Variants in NBEAL2 observed in about 807,000 individuals in gnomAD.
NBEAL2 encodes the protein neurobeachin-like protein 2.
In NBEAL2, 160 loss-of-function variants were observed where a neutral mutation model predicts 299.8. The ratio of observed to expected loss-of-function variants is 0.53; its 90% CI spans 0.47 to 0.61. The LOEUF is 0.61. Among genes scored for constraint, NBEAL2 ranks in the 20% least tolerant of loss-of-function variants. The pLI is 0.00. For missense variants in NBEAL2, 3,112 were observed against 3,649.0 expected, an observed-to-expected ratio of 0.85 and a Z score of 3.79; for synonymous variants, 1,493 against 1,542.3, an observed-to-expected ratio of 0.97 and a Z score of 0.75.
In NBEAL2 at chr3:47,004,526, A is replaced by C; in HGVS notation, c.6230A>C (p.Glu2077Ala). 1 of 1,613,774 alleles carries C rather than the reference A, an allele frequency of 6.2e-7. No homozygotes were observed. The highest frequency in any genetic ancestry group is 8.5e-7 in the Non-Finnish European group (1 of 1,179,824). ...KWVQREISNF[E>A]YLMQLNTIAG... is the part of the protein sequence containing the mutation. ...GTACAGCGTGAGATATCCAACTTCG[A>C]GTACTTGATGCAACTCAACACCATT... Residue 2077 changes from glutamate to alanine, a missense_variant, in exon 38 of 54, where the codon GAG becomes GCG. Physicochemically the swap from Glu to Ala is moderately radical, Grantham distance 107 (BLOSUM62 -1). Transcript: ENST00000450053. The surrounding 1 kb of genome is among the most constrained non-coding windows in gnomAD (Gnocchi z 5.0).
rs1476582812 is a variant in NBEAL2 at position 46,988,206 on chromosome 3, G to A, written c.52-463G>A. The A allele has an allele frequency of 2.9e-6, 2 of 685,416 alleles. No individual in the cohort carries two copies. The highest frequency in any genetic ancestry group is 1.9e-4 in the East Asian group (2 of 10,708). The allele number at this position is 685,416 out of a possible 1,614,324, so 42.5% of individuals were successfully genotyped here. ...GGATCCACAGTTAAAGAAGGCTACT[G>A]AAGGTGGTGGCTGCTGGGCTGGGTG... On this transcript the variant is annotated intron_variant, in intron 1 of 53. Coordinates refer to ENST00000450053, the MANE Select transcript of NBEAL2 (RefSeq NM_015175.3). This position sits in a 1 kb window ranked among gnomAD's most constrained non-coding sequence, Gnocchi z 4.4.
Position 46,989,730 on chromosome 3 carries a change from G to A in NBEAL2, c.556+137G>A. 1.2e-6 allele frequency: 1 copy of A among 804,212 alleles called. No individual in the cohort carries two copies. Among genetic ancestry groups the A allele is most frequent in the Non-Finnish European group, 2.1e-6 (1 of 483,104 alleles). 49.8% of individuals were successfully genotyped at this position (804,212 alleles called of 1,614,324 possible). A position where few individuals can be genotyped will look rare whatever the true frequency, so the allele number is the denominator to read the frequency against. ...ACTGGGAGAACCAAAGACCAAGCAAGAGTTTAGGGACAGAGACAAGAGAAG... is the reference window on the plus strand; with the variant it reads ...ACTGGGAGAACCAAAGACCAAGCAAAAGTTTAGGGACAGAGACAAGAGAAG... On this transcript the variant is annotated intron_variant, in intron 6 of 53. Transcript: ENST00000450053. The surrounding 1 kb of genome is among the most constrained non-coding windows in gnomAD (Gnocchi z 5.5).
intron 10 of NBEAL2, among the ~76,000 whole-genome samples, chr3:46,993,070 C>G (rs986890936): frequency 1.3e-5 from 2 of 152,198 alleles, no homozygotes; most frequent in Non-Finnish European, 2.9e-5. Context: ...GGGGGCTCAA[C>G]CTGTGGGCCC....
chr3:47,007,767 G>C, intron 48 of NBEAL2, 49 bp from the exon 49 acceptor site: 1 of 1,608,730 alleles, frequency 6.2e-7, no homozygotes, highest in Non-Finnish European at 8.5e-7. Context: ...GGCTGGCCAG[G>C]GCGGATGTGA....
At chr3:46,990,582 G>A (rs535008771) in intron 6 of NBEAL2, among the ~76,000 whole-genome samples, 58 of 152,274 alleles carry the variant, frequency 3.8e-4, no homozygotes, top group African/African-American at 1.3e-3. Flanking sequence ...CCATCCAGCC[G>A]GAATCAAGCC....
chr3:47,008,673 GC>G lies in NBEAL2; in HGVS notation c.8027+11del. 1 of 1,613,072 alleles carries G rather than the reference GC, an allele frequency of 6.2e-7. No homozygotes were observed. Among genetic ancestry groups the G allele is most frequent in the Non-Finnish European group, 8.5e-7 (1 of 1,179,858 alleles). ...GCACATCCTCCAACTAAACACGTAA[GC>G]CCCCCATTTATGGGTTCATGGCCCC... On this transcript the variant is annotated splice_donor_region_variant and intron_variant, in intron 52 of 53. Transcript: ENST00000450053.
Position 47,004,484 on chromosome 3 carries a change from C to T in NBEAL2, c.6199-11C>T, listed in dbSNP as rs1466632293. The T allele has an allele frequency of 3.1e-6, 5 of 1,612,568 alleles. No individual in the cohort carries two copies. Among genetic ancestry groups the T allele is most frequent in the African/African-American group, 2.7e-5 (2 of 74,866 alleles). ...CCACCTGGCTCACATCTTGTCTGCC[C>T]CTGTCCCCAGAAATGGGTACAGCGT... On this transcript the variant is annotated splice_polypyrimidine_tract_variant and intron_variant, in intron 37 of 53. Transcript: ENST00000450053. The surrounding 1 kb of genome is among the most constrained non-coding windows in gnomAD (Gnocchi z 5.0).
chr3:47,005,979 T>G lies in NBEAL2; in HGVS notation c.6835T>G (p.Trp2279Gly). The change falls in exon 43 of 54, where the codon TGG (tryptophan) becomes GGG (glycine). Residue 2279 changes from tryptophan to glycine, a missense_variant. Physicochemically the swap from Trp to Gly is radical, Grantham distance 184. Coordinates refer to ENST00000450053, the MANE Select transcript of NBEAL2 (RefSeq NM_015175.3). ...SEYVSAHLHE[W>G]IDLIFGYKQR... ...GTATGTGTCTGCACACCTACACGAG[T>G]GGATCGACCTCATCTTTGGCTACAA... 6.2e-7 allele frequency: 1 copy of G among 1,613,568 alleles called. No homozygotes were observed. The highest frequency in any genetic ancestry group is 8.5e-7 in the Non-Finnish European group (1 of 1,179,844).
chr3:47,006,518 C>A, intron 45 of NBEAL2, 69 bp downstream of exon 45: 1 of 1,377,624 alleles, frequency 7.3e-7, no homozygotes, highest in Non-Finnish European at 1.0e-6. Context: ...CCTTACCAAC[C>A]ACGTGGGGCA....
Position 46,998,465 on chromosome 3 carries a change from C to T in NBEAL2, c.3121C>T (p.His1041Tyr). Residue 1041 changes from histidine to tyrosine, a missense_variant and splice_region_variant, in exon 22 of 54, where the codon CAC (histidine) becomes TAC (tyrosine). Coordinates refer to ENST00000450053, the MANE Select transcript of NBEAL2 (RefSeq NM_015175.3). ...TLSDFAVRLG[H>Y]IQYMSSIVRE... The stretch of plus-strand genomic sequence containing the variant: ...GCCCTCTGCTCATTCCCGCTCAGGT[C>T]ACATCCAGTACATGTCCAGCATAGT... The T allele has an allele frequency of 6.2e-7, 1 of 1,612,192 alleles. No homozygotes were observed.
Position 47,009,645 on chromosome 3 carries a change from T to G in NBEAL2, c.*325T>G. The G allele has an allele frequency of 2.7e-6, 1 of 369,980 alleles. No individual in the cohort carries two copies. Among genetic ancestry groups the G allele is most frequent in the Non-Finnish European group, 4.9e-6 (1 of 203,040 alleles). 22.9% of individuals were successfully genotyped at this position (369,980 alleles called of 1,614,324 possible). A position where few individuals can be genotyped will look rare whatever the true frequency, so the allele number is the denominator to read the frequency against. The stretch of plus-strand genomic sequence containing the variant: ...GCACGAGGGCCGCCTGTGGCCTTAA[T>G]TCCTAACGGCGGCCCCGGTTCTCCC... On this transcript the variant is annotated 3_prime_UTR_variant, in exon 54 of 54. Transcript: ENST00000450053.
In NBEAL2 at chr3:47,007,506, A is replaced by G. The variant is rs370058494; in HGVS notation, c.7335-19A>G. On this transcript the variant is annotated intron_variant, in intron 47 of 53. Coordinates refer to ENST00000450053, the MANE Select transcript of NBEAL2 (RefSeq NM_015175.3). ...TCCATGTGGCCTGGCCTCACTTGCT[A>G]TCCCCCTCACTGGGTCAGGACGCAG... 20 of 1,602,540 alleles carry G rather than the reference A, an allele frequency of 1.2e-5. No homozygotes were observed. Among genetic ancestry groups the G allele is most frequent in the Non-Finnish European group, 1.6e-5 (19 of 1,173,970 alleles).
chr3:46,991,267 T>G lies in NBEAL2; in HGVS notation c.605T>G (p.Leu202Arg), dbSNP rs1397926183. The G allele has an allele frequency of 6.2e-7, 1 of 1,607,824 alleles. No individual in the cohort carries two copies. Among genetic ancestry groups the G allele is most frequent in the Non-Finnish European group, 8.5e-7 (1 of 1,177,018 alleles). The change falls in exon 7 of 54, where the codon CTC (leucine) becomes CGC (arginine). Residue 202 changes from leucine to arginine, a missense_variant. Leu to Arg is a moderately radical substitution (Grantham distance 102, BLOSUM62 -2). Around this residue, in one of 3 missense-constraint regions of NBEAL2, gnomAD observed 2,243 missense variants for 2,538.1 expected, o/e 0.88. Coordinates refer to ENST00000450053, the MANE Select transcript of NBEAL2 (RefSeq NM_015175.3). The surrounding 1 kb of genome is among the most constrained non-coding windows in gnomAD (Gnocchi z 6.2). Reference sequence around the variant, plus strand: ...TTGCCTCCCATACTGCTGTTACGTCTCATCCACCTCTTCTGCGCCGTCCTC... The same window carrying G: ...TTGCCTCCCATACTGCTGTTACGTCGCATCCACCTCTTCTGCGCCGTCCTC... ...DHLPPILLLR[L>R]IHLFCAVLAG... is the part of the protein sequence containing the mutation.
chr3:46,998,395 C>T, intron 21 of NBEAL2, 68 bp from the exon 22 acceptor site: 1 of 1,541,528 alleles, frequency 6.5e-7, no homozygotes, highest in Non-Finnish European at 8.8e-7. Flanking sequence ...GCACATGGCC[C>T]TGGCCTGGAG....
chr3:46,994,417 T>A lies in NBEAL2; in HGVS notation c.1198-38T>A, dbSNP rs1489333030. 2.1e-5 allele frequency: 33 copies of A among 1,536,432 alleles called. No homozygotes were observed. The Admixed American group carries it at 5.3e-4, about 24-fold the overall frequency. Reference sequence around the variant, plus strand: ...GGGTCTGAGTTTGCCCTCCGGCCCATGTATGTGTTCACTTCTTCCCCATAC... The same window carrying A: ...GGGTCTGAGTTTGCCCTCCGGCCCAAGTATGTGTTCACTTCTTCCCCATAC... On this transcript the variant is annotated intron_variant, in intron 11 of 53. Coordinates refer to ENST00000450053, the MANE Select transcript of NBEAL2 (RefSeq NM_015175.3).
rs968326458 is a variant in NBEAL2, at chr3:46,987,882, G to A, written c.52-787G>A. The A allele has an allele frequency of 5.1e-5, 28 of 546,846 alleles. 1 individual carries two copies. Among genetic ancestry groups the A allele is most frequent in the Middle Eastern group, 9.3e-4 (1 of 1,074 alleles). 33.9% of individuals were successfully genotyped at this position (546,846 alleles called of 1,614,324 possible). A position where few individuals can be genotyped will look rare whatever the true frequency, so the allele number is the denominator to read the frequency against. ...CTCTCACTGGGGCCCAGGGTGCCCC[G>A]GCCCCCCCACATCCCTGCGGTCTGC... On this transcript the variant is annotated intron_variant, in intron 1 of 53. Coordinates refer to ENST00000450053, the MANE Select transcript of NBEAL2 (RefSeq NM_015175.3).
Position 46,996,609 on chromosome 3 carries a change from A to G in NBEAL2, c.2473+17A>G, listed in dbSNP as rs372682557. The stretch of plus-strand genomic sequence containing the variant: ...GCACCCTGGGTATGCAGCATTCTCC[A>G]TCTCTGCCACAGCCCCAGGCCAGAA... On this transcript the variant is annotated intron_variant, in intron 16 of 53. Transcript: ENST00000450053. 1.0e-4 allele frequency: 158 copies of G among 1,517,074 alleles called. No individual in the cohort carries two copies. Among genetic ancestry groups the G allele is most frequent in the Non-Finnish European group, 1.3e-4 (149 of 1,131,890 alleles). 94.0% of individuals were successfully genotyped at this position (1,517,074 alleles called of 1,614,324 possible).
chr3:47,009,515 T>A lies in NBEAL2; in HGVS notation c.*195T>A. ...GGCGGAAGTCCCGCCCCTCGCCGGC[T>A]GAGGGGCCGCCCTGAGGGCCAGCAC... On this transcript the variant is annotated 3_prime_UTR_variant, in exon 54 of 54. Transcript: ENST00000450053. 1.6e-6 allele frequency: 1 copy of A among 610,360 alleles called. No individual in the cohort carries two copies. The highest frequency in any genetic ancestry group is 2.8e-6 in the Non-Finnish European group (1 of 351,050). 37.8% of individuals were successfully genotyped at this position (610,360 alleles called of 1,614,324 possible).
At chr3:46,993,900 GC>G (rs1156938947) in intron 10 of NBEAL2, 36 bp from the exon 11 acceptor site, 1 of 1,571,172 alleles carries the variant, frequency 6.4e-7, no homozygotes, top group South Asian at 1.2e-5. Context: ...TGACACCCTG[GC>G]CCCTGCCTCT....
Sources: allele counts gnomAD v4.1 joint callset (sites outside exome capture counted in the v4.1 genomes callset), GRCh38; gene constraint gnomAD v4.1.1; regional missense constraint gnomAD v4.1.1; non-coding constraint Gnocchi (gnomAD v3.1); transcripts MANE v1.5; gene names NCBI Gene and HGNC (gene_info 2026-07-23, HGNC 2026-07-21).